The following SCARB1 variants were observed in gnomAD, a reference collection of about 807,000 sequenced individuals.
The protein encoded by SCARB1 is CD36 and LIMPII analogous 1.
A neutral mutation model predicts 57.2 loss-of-function variants in SCARB1; 30 were observed. The ratio of observed to expected loss-of-function variants is 0.52; its 90% CI spans 0.39 to 0.71. The LOEUF (loss-of-function observed/expected upper bound fraction) is 0.71, where lower values mean the gene tolerates loss of function less well. Ranked by LOEUF, SCARB1 falls within the 30% of genes least tolerant of loss-of-function variation. The pLI is 0.00. For synonymous variants in SCARB1, 249 were observed against 268.3 expected, an observed-to-expected ratio of 0.93 and a Z score of 0.70; for missense variants, 543 against 671.2, an observed-to-expected ratio of 0.81 and a Z score of 2.11.
intron 7 of SCARB1, among the ~76,000 whole-genome samples, chr12:124,805,861 C>T (rs1392774341): frequency 6.6e-6 from 1 of 151,550 alleles, no homozygotes; most frequent in Non-Finnish European, 1.5e-5. Flanking sequence ...TGAACCACCA[C>T]ACTCGGCCTG....
intron 12 of SCARB1, among the ~76,000 whole-genome samples, chr12:124,781,918 T>G (rs1416344977): frequency 1.3e-5 from 2 of 152,100 alleles, no homozygotes; most frequent in Non-Finnish European, 2.9e-5. Flanking sequence ...TTAGTTTTAT[T>G]TTTTTGAGAC....
chr12:124,808,740 C>T (rs777020614), intron 6 of SCARB1, among the ~76,000 whole-genome samples: 2 of 152,100 alleles, frequency 1.3e-5, no homozygotes, highest in Admixed American at 6.6e-5. Flanking sequence ...CCACTCAGCA[C>T]GCATGGCTGT....
intron 9 of SCARB1, among the ~76,000 whole-genome samples, chr12:124,791,149 T>C (rs1013504211): frequency 1.3e-5 from 2 of 152,184 alleles, no homozygotes; most frequent in Non-Finnish European, 2.9e-5. Flanking sequence ...GCAGCAAGAA[T>C]TGGGTGACTC....
rs565442427 is a variant in SCARB1 at position 124,817,295 on chromosome 12, G to A, written c.284+255C>T. The stretch of plus-strand genomic sequence containing the variant: ...AGCACTTTGAGAGGCTGAGGCGGAG[G>A]ATCGCTTGAGCCCAGGACTTCAAAA... On this transcript the variant is annotated intron_variant, in intron 2 of 12. Transcript: ENST00000261693. The surrounding 1 kb of genome is among the most constrained non-coding windows in gnomAD (Gnocchi z 4.8). 1.9e-4 allele frequency among the ~76,000 whole-genome samples: 27 copies of A among 140,878 alleles called. No homozygotes were observed. Among genetic ancestry groups the A allele is most frequent in the Non-Finnish European group, 4.1e-4 (27 of 66,288 alleles). The allele number at this position is 140,878 out of a possible 152,430, so 92.4% of individuals were successfully genotyped here. A position where few individuals can be genotyped will look rare whatever the true frequency, so the allele number is the denominator to read the frequency against.
intron 8 of SCARB1, among the ~76,000 whole-genome samples, chr12:124,798,975 C>T (rs12819677): frequency 0.41 from 61,651 of 151,792 alleles, 13,215 homozygotes; most frequent in Non-Finnish European, 0.48. Flanking sequence ...GTTTAGGAGA[C>T]CTACTGGGAA....
rs552288233 is a variant in SCARB1 at position 124,800,822 on chromosome 12, A to G, written c.1010-580T>C. ...GTGAGCTCAACCTCGCCACTGACCA[A>G]CCAAACCAGGCAAACACCAGCTCAC... On this transcript the variant is annotated intron_variant, in intron 7 of 12. Transcript: ENST00000261693. This position sits in a 1 kb window ranked among gnomAD's most constrained non-coding sequence, Gnocchi z 4.8. Among the ~76,000 whole-genome samples the G allele has an allele frequency of 2.8e-4, 42 of 152,254 alleles. No individual in the cohort carries two copies. The highest frequency in any genetic ancestry group is 4.1e-4 in the Non-Finnish European group (28 of 68,014).
chr12:124,834,930 T>C, intron 1 of SCARB1, among the ~76,000 whole-genome samples: 1 of 151,928 alleles, frequency 6.6e-6, no homozygotes, highest in East Asian at 1.9e-4. Context: ...AAAGGCGGTC[T>C]CCAAACCAGC....
At chr12:124,853,622 T>C (rs1952517496) in intron 1 of SCARB1, among the ~76,000 whole-genome samples, 1 of 152,128 alleles carries the variant, frequency 6.6e-6, no homozygotes, top group South Asian at 2.1e-4. Context: ...CTTGAACTCC[T>C]GACCTCAGGT....
At position 124,807,535 on chromosome 12, in the gene SCARB1, G is replaced by A. The variant is rs1950363064; in HGVS notation, c.1009+226C>T. ...CAGAACTGCAAGATAACCAGTGTGT[G>A]TTGTTCTAAGCCCTGAAGTTCATGG... On this transcript the variant is annotated intron_variant, in intron 7 of 12. Transcript: ENST00000261693. This position sits in a 1 kb window ranked among gnomAD's most constrained non-coding sequence, Gnocchi z 5.3. Among the ~76,000 whole-genome samples, 1 of 152,234 alleles carries A rather than the reference G, an allele frequency of 6.6e-6. No homozygotes were observed. The highest frequency in any genetic ancestry group is 2.4e-5 in the African/African-American group (1 of 41,464).
At position 124,786,382 on chromosome 12, in the gene SCARB1, G is replaced by A. The variant is rs1256541246; in HGVS notation, c.1376C>T (p.Pro459Leu). 1.2e-6 allele frequency: 2 copies of A among 1,613,998 alleles called. No individual in the cohort carries two copies. The highest frequency in any genetic ancestry group is 3.3e-5 in the Admixed American group (2 of 60,006). Reference sequence around the variant, plus strand: ...TTGGCTCCGGATTTGGCAGATGACAGGGACCAGCAGCAGGACGCAGCCCAG... The same window carrying A: ...TTGGCTCCGGATTTGGCAGATGACAAGGACCAGCAGCAGGACGCAGCCCAG... Reference protein sequence around the residue: ...LALGCVLLLVPVICQIRSQEK... With the variant: ...LALGCVLLLVLVICQIRSQEK... The change falls in exon 11 of 13, where the codon CCT (proline) becomes CTT (leucine). Residue 459 changes from proline (P) to leucine (L), a missense_variant. Physicochemically the swap from Pro to Leu is moderately conservative, Grantham distance 98 (BLOSUM62 -3). Coordinates refer to ENST00000261693, the MANE Select transcript of SCARB1 (RefSeq NM_005505.5).
chr12:124,824,714 G>A (rs1347890872), intron 1 of SCARB1, among the ~76,000 whole-genome samples: 3 of 152,174 alleles, frequency 2.0e-5, no homozygotes, highest in Non-Finnish European at 4.4e-5. Flanking sequence ...GTTTCTAATC[G>A]GGTCAGGTGT....
At chr12:124,811,284 T>G (rs2135662960) in intron 5 of SCARB1, among the ~76,000 whole-genome samples, 1 of 152,316 alleles carries the variant, frequency 6.6e-6, no homozygotes, top group East Asian at 1.9e-4. Context: ...CTCTTCTCTT[T>G]TTTTTGGAGA....
intron 5 of SCARB1, 66 bp downstream of exon 5, chr12:124,811,804 G>A: frequency 9.1e-7 from 1 of 1,093,722 alleles, no homozygotes; most frequent in South Asian, 1.3e-5. Context: ...CCACTCCCGA[G>A]CAGCCATGGC....
chr12:124,851,024 TC>T (rs1952381069), intron 1 of SCARB1, among the ~76,000 whole-genome samples: 1 of 152,150 alleles, frequency 6.6e-6, no homozygotes, highest in Non-Finnish European at 1.5e-5. Context: ...ATCACAGCAG[TC>T]CATTACTCGA....
intron 8 of SCARB1, among the ~76,000 whole-genome samples, chr12:124,799,820 A>G (rs2135595017): frequency 6.6e-6 from 1 of 152,324 alleles, no homozygotes; most frequent in South Asian, 2.1e-4. Context: ...TCTTTATGGT[A>G]TCTTGACACA....
chr12:124,835,440 TG>T (rs1212606496), intron 1 of SCARB1, among the ~76,000 whole-genome samples: 3 of 151,638 alleles, frequency 2.0e-5, no homozygotes, highest in African/African-American at 7.2e-5. Context: ...TTTCATTTTT[TG>T]TAGATTTTAT....
chr12:124,849,346 C>T (rs372243254), intron 1 of SCARB1, among the ~76,000 whole-genome samples: 14 of 152,130 alleles, frequency 9.2e-5, no homozygotes, highest in Admixed American at 4.6e-4. Context: ...TCTCTGCCCA[C>T]GGCACACCCC....
Position 124,810,352 on chromosome 12 carries a change from A to C in SCARB1, c.727-63T>G. The C allele has an allele frequency of 1.7e-6, 2 of 1,171,882 alleles. No homozygotes were observed. The highest frequency in any genetic ancestry group is 2.6e-6 in the Non-Finnish European group (2 of 779,256). The allele number at this position is 1,171,882 out of a possible 1,614,324, so 72.6% of individuals were successfully genotyped here. ...CCAAGGCCCCTTAATAAGCCCTCTC[A>C]GGTGCTGCACACCTAACTCACCCTG... On this transcript the variant is annotated intron_variant, in intron 5 of 12. Coordinates refer to ENST00000261693, the MANE Select transcript of SCARB1 (RefSeq NM_005505.5). This position sits in a 1 kb window ranked among gnomAD's most constrained non-coding sequence, Gnocchi z 4.0.
intron 7 of SCARB1, among the ~76,000 whole-genome samples, chr12:124,806,346 G>C (rs1425693338): frequency 6.6e-6 from 1 of 152,172 alleles, no homozygotes; most frequent in African/African-American, 2.4e-5. Flanking sequence ...TGAGCAACTT[G>C]AGGTGGGGGT....
Sources: allele counts gnomAD v4.1 joint callset (sites outside exome capture counted in the v4.1 genomes callset), GRCh38; gene constraint gnomAD v4.1.1; non-coding constraint Gnocchi (gnomAD v3.1); transcripts MANE v1.5; gene names NCBI Gene and HGNC (gene_info 2026-07-23, HGNC 2026-07-21).